The following BCKDHB variants were observed in gnomAD, a reference collection of about 807,000 sequenced individuals.
BCKDHB encodes the protein branched chain keto acid dehydrogenase E1 subunit beta.
A neutral mutation model predicts 48.5 loss-of-function variants in BCKDHB; 41 were observed. The observed-to-expected ratio is 0.85, with a 90% CI of 0.66 to 1.10. The LOEUF is 1.10. BCKDHB is among the 50% of genes least tolerant of loss of function. The pLI is 0.00. For synonymous variants in BCKDHB, 201 were observed against 174.8 expected, an observed-to-expected ratio of 1.15 and a Z score of -1.18; for missense variants, 496 against 494.2, an observed-to-expected ratio of 1.00 and a Z score of -0.03.
chr6:80,375,377 C>T, the BCKDHB span, among the ~76,000 whole-genome samples: 978 of 151,984 alleles, frequency 6.4e-3, 7 homozygotes, highest in South Asian at 0.025. Flanking sequence ...TTTGTCAGAT[C>T]GGGTTAATTT....
chr6:80,135,030 G>A (rs1414204046), intron 3 of BCKDHB, among the ~76,000 whole-genome samples: 1 of 152,120 alleles, frequency 6.6e-6, no homozygotes, highest in Non-Finnish European at 1.5e-5. Context: ...GGGATTATAG[G>A]TGTGAGCCAC....
rs1433682301 is a variant in BCKDHB, at chr6:80,121,101, A to T, written c.197-6446A>T. On this transcript the variant is annotated intron_variant, in intron 1 of 9. Coordinates refer to ENST00000320393, the MANE Select transcript of BCKDHB (RefSeq NM_183050.4). ...CATATGGCTAGCCAGTTTTCCCAGC[A>T]CCATTTATTAAATAGGGAATCCTTT... 2.0e-5 allele frequency among the ~76,000 whole-genome samples: 3 copies of T among 152,272 alleles called. 1 individual carries two copies. The highest frequency in any genetic ancestry group is 7.2e-5 in the African/African-American group (3 of 41,530).
At chr6:80,229,659 T>C (rs1471383114) in intron 8 of BCKDHB, among the ~76,000 whole-genome samples, 7 of 152,082 alleles carry the variant, frequency 4.6e-5, no homozygotes, top group Admixed American at 6.6e-5. Context: ...TTAGTGAACA[T>C]GAGTTTATGC....
chr6:80,175,499 A>T (rs1484622879), intron 6 of BCKDHB, among the ~76,000 whole-genome samples: 7 of 152,222 alleles, frequency 4.6e-5, no homozygotes, highest in Non-Finnish European at 4.4e-5. Context: ...GTTTGAAATA[A>T]TTCAGCTGTT....
the BCKDHB span, among the ~76,000 whole-genome samples, chr6:80,416,626 G>A: frequency 1.1e-3 from 166 of 151,880 alleles, no homozygotes; most frequent in African/African-American, 3.5e-3. Flanking sequence ...TAATTTGATC[G>A]TGCTATTGTC....
At chr6:80,116,560 A>T (rs376948818) in intron 1 of BCKDHB, among the ~76,000 whole-genome samples, 1 of 152,022 alleles carries the variant, frequency 6.6e-6, no homozygotes. Context: ...ATGTCACCTC[A>T]TTTTTTCAGC....
intron 8 of BCKDHB, among the ~76,000 whole-genome samples, chr6:80,268,782 T>G (rs1777615954): frequency 6.6e-6 from 1 of 152,118 alleles, no homozygotes; most frequent in African/African-American, 2.4e-5. Context: ...AAGGCTATAT[T>G]CACTAAAACA....
chr6:80,407,875 G>T, the BCKDHB span, among the ~76,000 whole-genome samples: 2 of 152,060 alleles, frequency 1.3e-5, no homozygotes, highest in East Asian at 3.9e-4. Flanking sequence ...GCCCTGGCTG[G>T]AACTTCCAAC....
intron 8 of BCKDHB, among the ~76,000 whole-genome samples, chr6:80,236,349 GTC>G (rs1227929847): frequency 6.6e-6 from 1 of 152,202 alleles, no homozygotes; most frequent in Non-Finnish European, 1.5e-5. Flanking sequence ...TAGGTGATCA[GTC>G]AATGTTGAAC....
At chr6:80,194,120 A>G (rs973429273) in intron 6 of BCKDHB, among the ~76,000 whole-genome samples, 24 of 152,154 alleles carry the variant, frequency 1.6e-4, no homozygotes, top group African/African-American at 5.1e-4. Flanking sequence ...TCGGTTTTCA[A>G]TGACATTTCT....
At chr6:80,142,421 T>TA (rs1771267738) in intron 3 of BCKDHB, among the ~76,000 whole-genome samples, 1 of 152,028 alleles carries the variant, frequency 6.6e-6, no homozygotes. Flanking sequence ...AGCTGACCCA[T>TA]ACGTAAAGGT....
chr6:80,264,377 G>C (rs1023411718), intron 8 of BCKDHB, among the ~76,000 whole-genome samples: 19 of 152,110 alleles, frequency 1.2e-4, no homozygotes, highest in African/African-American at 4.3e-4. Context: ...TTCCTGGTTT[G>C]TACTAATATA....
chr6:80,465,712 T>A, the BCKDHB span: 1 of 152,052 alleles, frequency 6.6e-6, no homozygotes, highest in Admixed American at 6.6e-5. Flanking sequence ...TTAGCAAGAG[T>A]TTGAATAAAA....
At chr6:80,346,292 T>C (rs557596623), downstream of BCKDHB, 1 of 152,332 alleles carries the variant, frequency 6.6e-6, no homozygotes, top group Non-Finnish European at 1.5e-5. Flanking sequence ...TGTGTTCTTT[T>C]TTTTTCCTTT....
intron 8 of BCKDHB, among the ~76,000 whole-genome samples, chr6:80,235,823 C>T (rs1314221882): frequency 2.0e-5 from 3 of 152,136 alleles, no homozygotes; most frequent in African/African-American, 7.2e-5. Flanking sequence ...GGCAACAGGA[C>T]AATGGTCAGT....
intron 9 of BCKDHB, among the ~76,000 whole-genome samples, chr6:80,315,995 CAGTT>C (rs1410003235): frequency 6.6e-6 from 1 of 152,174 alleles, no homozygotes; most frequent in African/African-American, 2.4e-5. Context: ...AATGCTGTAT[CAGTT>C]AGAGCCTTTT....
intron 1 of BCKDHB, among the ~76,000 whole-genome samples, chr6:80,118,351 A>G (rs1234698986): frequency 6.6e-6 from 1 of 152,186 alleles, no homozygotes; most frequent in African/African-American, 2.4e-5. Flanking sequence ...TAAAAGATCA[A>G]TGTACATACT....
At chr6:80,389,834 T>C in the BCKDHB span, among the ~76,000 whole-genome samples, 17 of 152,114 alleles carry the variant, frequency 1.1e-4, no homozygotes, top group African/African-American at 4.1e-4. Flanking sequence ...TATAGTACTG[T>C]TTCTCCTATA....
intron 8 of BCKDHB, among the ~76,000 whole-genome samples, chr6:80,262,246 G>A (rs1027143485): frequency 3.3e-5 from 5 of 152,246 alleles, no homozygotes; most frequent in Non-Finnish European, 5.9e-5. Flanking sequence ...AAAGTGCTTT[G>A]TCCTTTTAAG....
Sources: allele counts gnomAD v4.1 joint callset (sites outside exome capture counted in the v4.1 genomes callset), GRCh38; gene constraint gnomAD v4.1.1; transcripts MANE v1.5; gene names NCBI Gene and HGNC (gene_info 2026-07-23, HGNC 2026-07-21).